Variants in ATL1 observed in about 807,000 individuals in gnomAD.
ATL1 encodes the protein atlastin-1.
A neutral mutation model predicts 75.5 loss-of-function variants in ATL1; 31 were observed. The observed-to-expected ratio is 0.41, with a 90% CI of 0.31 to 0.55. The LOEUF (loss-of-function observed/expected upper bound fraction) is 0.55, where lower values mean the gene tolerates loss of function less well. ATL1 is among the 20% of genes least tolerant of loss of function. The pLI is 0.27. For synonymous variants in ATL1, 226 were observed against 233.3 expected (o/e 0.97, Z 0.28); for missense variants, 405 against 662.6 (o/e 0.61, Z 4.27).
At chr14:50,559,965 T>C, upstream of ATL1, 1 of 474,680 alleles carries the variant, frequency 2.1e-6, no homozygotes, top group South Asian at 2.6e-5. Flanking sequence ...GTGTTTTCCG[T>C]TGAAAATGTT....
intron 6 of ATL1, among the ~76,000 whole-genome samples, chr14:50,603,124 T>C (rs1473628091): frequency 1.3e-5 from 2 of 151,224 alleles, no homozygotes; most frequent in African/African-American, 4.9e-5. Flanking sequence ...GCATAAACCC[T>C]AAAAAAAAAC....
upstream of ATL1, among the ~76,000 whole-genome samples, chr14:50,557,136 T>C (rs1263575933): frequency 6.6e-6 from 1 of 152,184 alleles, no homozygotes; most frequent in African/African-American, 2.4e-5. Flanking sequence ...TTTCTCCACA[T>C]CTCACCAACA....
chr14:50,556,433 G>T (rs757915486), upstream of ATL1, among the ~76,000 whole-genome samples: 20 of 151,720 alleles, frequency 1.3e-4, no homozygotes, highest in Non-Finnish European at 2.1e-4. Flanking sequence ...GTACAGGCTG[G>T]TCTCGAACTC....
At chr14:50,607,682 G>A (rs2039328122) in intron 6 of ATL1, among the ~76,000 whole-genome samples, 1 of 151,982 alleles carries the variant, frequency 6.6e-6, no homozygotes, top group African/African-American at 2.4e-5. Context: ...ATATTTACTG[G>A]CTGTATGGTT....
intron 13 of ATL1, among the ~76,000 whole-genome samples, chr14:50,630,526 T>A (rs898349449): frequency 1.3e-5 from 2 of 152,266 alleles, no homozygotes; most frequent in African/African-American, 4.8e-5. Flanking sequence ...TCATTTCTCC[T>A]ACCGCACATG....
chr14:50,550,759 T>C (rs1349451205), intron 1 of ATL1, among the ~76,000 whole-genome samples: 1 of 152,202 alleles, frequency 6.6e-6, no homozygotes, highest in Non-Finnish European at 1.5e-5. Flanking sequence ...CTCAAAACTA[T>C]ACAAATACAT....
chr14:50,563,194 T>G (rs2038868589), intron 1 of ATL1, among the ~76,000 whole-genome samples: 2 of 152,224 alleles, frequency 1.3e-5, no homozygotes, highest in Non-Finnish European at 2.9e-5. Flanking sequence ...TCTTAGGGCA[T>G]ATCACTATTT....
At chr14:50,552,183 A>G (rs1421953968) in intron 1 of ATL1, among the ~76,000 whole-genome samples, 1 of 152,212 alleles carries the variant, frequency 6.6e-6, no homozygotes, top group Non-Finnish European at 1.5e-5. Flanking sequence ...AAATCAATGT[A>G]CACAAATCAG....
chr14:50,578,116 TA>T (rs1293060288), intron 1 of ATL1, among the ~76,000 whole-genome samples: 1 of 152,190 alleles, frequency 6.6e-6, no homozygotes, highest in Non-Finnish European at 1.5e-5. Context: ...TCTGTATTTT[TA>T]AAAGTCTCTA....
rs2039476938 is a variant in ATL1 at position 50,622,484 on chromosome 14, G to C, written c.1047+585G>C. On this transcript the variant is annotated intron_variant, in intron 10 of 13. Coordinates refer to ENST00000358385, the MANE Select transcript of ATL1 (RefSeq NM_015915.5). ...AGATCGAGACCAGCCTAGCCAGCAT[G>C]GTGAAACCCTGTCTCTACTAAAAAT... is the stretch of plus-strand genomic sequence containing the variant. Among the ~76,000 whole-genome samples the C allele has an allele frequency of 2.0e-5, 3 of 152,174 alleles. No homozygotes were observed. The South Asian group carries it at 6.2e-4, about 32-fold the overall frequency.
At chr14:50,580,660 A>G (rs1308202361) in intron 1 of ATL1, among the ~76,000 whole-genome samples, 1 of 152,142 alleles carries the variant, frequency 6.6e-6, no homozygotes, top group Non-Finnish European at 1.5e-5. Flanking sequence ...ATACTGGCTT[A>G]TGATTTTCCT....
At chr14:50,546,995 A>AC (rs962084868) in intron 1 of ATL1, among the ~76,000 whole-genome samples, 7 of 150,996 alleles carry the variant, frequency 4.6e-5, no homozygotes, top group Non-Finnish European at 4.4e-5. Context: ...CTAGCCCCCC[A>AC]CCCCCCAACA....
At chr14:50,574,974 TA>T in intron 1 of ATL1, among the ~76,000 whole-genome samples, 1 of 137,872 alleles carries the variant, frequency 7.3e-6, no homozygotes, top group Non-Finnish European at 1.6e-5. Context: ...TATATATATA[TA>T]TTAGCTTTTA....
intron 1 of ATL1, among the ~76,000 whole-genome samples, chr14:50,567,626 G>T (rs1328191146): frequency 6.6e-6 from 1 of 152,154 alleles, no homozygotes; most frequent in African/African-American, 2.4e-5. Flanking sequence ...GCCAACACTT[G>T]TTATGTTCTG....
At chr14:50,619,287 C>G (rs2039444430) in intron 8 of ATL1, among the ~76,000 whole-genome samples, 1 of 151,914 alleles carries the variant, frequency 6.6e-6, no homozygotes, top group Non-Finnish European at 1.5e-5. Context: ...TGTCGATCTC[C>G]TGACCTCATG....
chr14:50,584,205 T>C (rs2039081032), intron 1 of ATL1, among the ~76,000 whole-genome samples: 1 of 151,878 alleles, frequency 6.6e-6, no homozygotes, highest in Non-Finnish European at 1.5e-5. Context: ...TGAGACCCCA[T>C]CTCTACAAAA....
At chr14:50,602,607 G>A (rs951312318) in intron 6 of ATL1, among the ~76,000 whole-genome samples, 48 of 152,064 alleles carry the variant, frequency 3.2e-4, no homozygotes, top group African/African-American at 1.1e-3. Context: ...TCTGTTTCTA[G>A]TAGGCCGGTC....
chr14:50,593,970 T>A, intron 5 of ATL1, 74 bp downstream of exon 5: 2 of 1,127,868 alleles, frequency 1.8e-6, no homozygotes, highest in East Asian at 4.8e-5. Flanking sequence ...TGGGGAATGA[T>A]TTCAAAACAT....
intron 8 of ATL1, among the ~76,000 whole-genome samples, chr14:50,618,543 G>T (rs1338523056): frequency 3.3e-5 from 5 of 152,144 alleles, no homozygotes; most frequent in Non-Finnish European, 7.4e-5. Flanking sequence ...AACTTGGAAA[G>T]ATATCCAGCA....
Sources: gnomAD v4.1 joint callset for allele counts (sites outside exome capture counted in the v4.1 genomes callset) on GRCh38, gnomAD v4.1.1 for gene constraint, MANE v1.5 for transcripts, NCBI Gene and HGNC (gene_info 2026-07-23, HGNC 2026-07-21) for gene names.